Variants in LDLRAD4 observed in about 807,000 individuals in gnomAD.
The protein encoded by LDLRAD4 is low density lipoprotein receptor class A domain containing 4, also known as low-density lipoprotein receptor class A domain-containing protein 4.
In LDLRAD4, 5 loss-of-function variants were observed where a neutral mutation model predicts 17.0. That is an observed-to-expected ratio of 0.29 (90% CI 0.15 to 0.62). The LOEUF is 0.62. Ranked by LOEUF, LDLRAD4 falls within the 20% of genes least tolerant of loss-of-function variation. The pLI is 0.84. For synonymous variants in LDLRAD4, 168 were observed against 171.8 expected (o/e 0.98, Z 0.17); for missense variants, 340 against 424.7 (o/e 0.80, Z 1.75).
intron 3 of LDLRAD4, among the ~76,000 whole-genome samples, chr18:13,594,497 C>T (rs369342928): frequency 1.3e-5 from 2 of 151,636 alleles, no homozygotes; most frequent in African/African-American, 4.8e-5. Context: ...TGAAAGCCAT[C>T]CCTACTAAAA....
At chr18:13,484,494 C>G (rs948089187) in intron 3 of LDLRAD4, among the ~76,000 whole-genome samples, 2 of 151,958 alleles carry the variant, frequency 1.3e-5, no homozygotes, top group African/African-American at 4.8e-5. Context: ...GCCAGCTACT[C>G]CGAGCTACTT....
Position 13,343,795 on chromosome 18 carries a change from T to A in LDLRAD4, c.-382-43546T>A, listed in dbSNP as rs1349616094. On this transcript the variant is annotated intron_variant, in intron 1 of 5. Coordinates refer to ENST00000359446, the Ensembl canonical transcript of LDLRAD4. ...TCATTCTAACTGGTGTGAGATGGTA[T>A]CTCATTGTGGTTTTGATTTGCATTT... Among the ~76,000 whole-genome samples the A allele has an allele frequency of 2.0e-5, 3 of 152,222 alleles. No homozygotes were observed. In the East Asian group the frequency reaches 5.8e-4, roughly 29 times the overall value.
intron 2 of LDLRAD4, among the ~76,000 whole-genome samples, chr18:13,422,557 G>A (rs1274521538): frequency 1.3e-5 from 2 of 151,056 alleles, no homozygotes; most frequent in East Asian, 1.9e-4. Flanking sequence ...AAAAGGCCAA[G>A]TGTGATGGCC....
chr18:13,223,441 G>A (rs2041576371), intron 1 of LDLRAD4, among the ~76,000 whole-genome samples: 1 of 152,154 alleles, frequency 6.6e-6, no homozygotes, highest in Non-Finnish European at 1.5e-5. Context: ...CACACTGTGT[G>A]GCTTCCTGGT....
At chr18:13,453,958 G>A (rs1275790751) in intron 3 of LDLRAD4, among the ~76,000 whole-genome samples, 2 of 152,272 alleles carry the variant, frequency 1.3e-5, no homozygotes, top group Non-Finnish European at 2.9e-5. Flanking sequence ...AATGGGCGCC[G>A]TGTTCACACT....
chr18:13,622,389 G>C lies in LDLRAD4; in HGVS notation c.336+1118G>C, dbSNP rs1179368034. 1.3e-5 allele frequency among the ~76,000 whole-genome samples: 2 copies of C among 152,212 alleles called. No homozygotes were observed. Among genetic ancestry groups the C allele is most frequent in the Admixed American group, 1.3e-4 (2 of 15,284 alleles). On this transcript the variant is annotated intron_variant, in intron 4 of 5. Coordinates refer to ENST00000359446, the Ensembl canonical transcript of LDLRAD4. The surrounding 1 kb of genome is among the most constrained non-coding windows in gnomAD (Gnocchi z 5.3). ...TACCGAGTGCTATCTTCAGACCATG[G>C]TGAGGGCTAGACGGGGCAGCCTCGG... is the stretch of plus-strand genomic sequence containing the variant.
upstream of LDLRAD4, among the ~76,000 whole-genome samples, chr18:13,273,734 G>A (rs780603229): frequency 5.9e-5 from 9 of 152,184 alleles, no homozygotes; most frequent in Admixed American, 5.2e-4. Context: ...TTACCTTAGA[G>A]AGTGAGAACA....
At chr18:13,628,430 TACTGCATTTCACGGAA>T (rs2041366071) in intron 4 of LDLRAD4, among the ~76,000 whole-genome samples, 2 of 152,346 alleles carry the variant, frequency 1.3e-5, no homozygotes, top group South Asian at 4.1e-4. Flanking sequence ...AGCTCTCCGT[TACTGCATTTCACGGAA>T]ACTGCATTTC....
intron 1 of LDLRAD4, among the ~76,000 whole-genome samples, chr18:13,259,588 C>T (rs1015347178): frequency 1.3e-5 from 2 of 152,194 alleles, no homozygotes; most frequent in Non-Finnish European, 2.9e-5. Context: ...TTCAAATGCT[C>T]ATATATATGT....
rs376359942 is a variant in LDLRAD4 at position 13,318,225 on chromosome 18, A to G, written c.-383+40037A>G. Among the ~76,000 whole-genome samples, 823 of 151,942 alleles carry G rather than the reference A, an allele frequency of 5.4e-3. 6 individuals carry two copies. Among genetic ancestry groups the G allele is most frequent in the African/African-American group, 0.018 (763 of 41,444 alleles). Reference sequence around the variant, plus strand: ...CCTCCTTCCCCTGCTGCCTGTGGCCATCGCTGATTTCTGGGGATGGAGCTT... The same window carrying G: ...CCTCCTTCCCCTGCTGCCTGTGGCCGTCGCTGATTTCTGGGGATGGAGCTT... On this transcript the variant is annotated intron_variant, in intron 1 of 5. Coordinates refer to ENST00000359446, the Ensembl canonical transcript of LDLRAD4.
chr18:13,459,050 A>AC (rs2092293813), intron 3 of LDLRAD4, among the ~76,000 whole-genome samples: 1 of 151,144 alleles, frequency 6.6e-6, no homozygotes, highest in Non-Finnish European at 1.5e-5. Flanking sequence ...GTGGTGGCTC[A>AC]CGCCTGTAAT....
chr18:13,222,005 C>G (rs922221994), intron 1 of LDLRAD4, among the ~76,000 whole-genome samples: 2 of 152,218 alleles, frequency 1.3e-5, no homozygotes, highest in African/African-American at 4.8e-5. Context: ...CCAGAACCCA[C>G]TAACACTCCG....
intron 3 of LDLRAD4, among the ~76,000 whole-genome samples, chr18:13,525,497 A>G (rs2094016454): frequency 6.6e-6 from 1 of 152,246 alleles, no homozygotes; most frequent in African/African-American, 2.4e-5. Context: ...GCATTCCCAT[A>G]AACGTCATTC....
chr18:13,436,843 T>G (rs1274384655), intron 2 of LDLRAD4, among the ~76,000 whole-genome samples: 1 of 152,262 alleles, frequency 6.6e-6, no homozygotes, highest in Non-Finnish European at 1.5e-5. Flanking sequence ...TTGGGCTGTG[T>G]TCACATGTTA....
intron 3 of LDLRAD4, among the ~76,000 whole-genome samples, chr18:13,504,632 T>TG (rs1350494539): frequency 1.3e-5 from 2 of 152,300 alleles, no homozygotes; most frequent in Admixed American, 6.5e-5. Flanking sequence ...TTCACTATGT[T>TG]GGCCAGGCTG....
intron 1 of LDLRAD4, among the ~76,000 whole-genome samples, chr18:13,231,177 T>C (rs1302656688): frequency 6.6e-6 from 1 of 152,072 alleles, no homozygotes; most frequent in African/African-American, 2.4e-5. Context: ...CGTATAGATG[T>C]CTATGGGTGA....
Position 13,365,251 on chromosome 18 carries a change from G to A in LDLRAD4, c.-382-22090G>A, listed in dbSNP as rs146857127. Among the ~76,000 whole-genome samples, 920 of 152,324 alleles carry A rather than the reference G, an allele frequency of 6.0e-3. 4 individuals carry two copies. The highest frequency in any genetic ancestry group is 0.01 in the Non-Finnish European group (710 of 68,034). ...TAATCTTTTGCTTTTTACCTTGAGAGCTGGTTCCATGAGAGTCTCTAAAAT... is the reference window on the plus strand; with the variant it reads ...TAATCTTTTGCTTTTTACCTTGAGAACTGGTTCCATGAGAGTCTCTAAAAT... On this transcript the variant is annotated intron_variant, in intron 1 of 5. Coordinates refer to ENST00000359446, the Ensembl canonical transcript of LDLRAD4.
intron 1 of LDLRAD4, among the ~76,000 whole-genome samples, chr18:13,222,423 G>T (rs575859858): frequency 6.6e-6 from 1 of 151,898 alleles, no homozygotes. Flanking sequence ...AAGCATTTAC[G>T]AAACTTTAAG....
chr18:13,251,455 A>C (rs1445821811), intron 1 of LDLRAD4, among the ~76,000 whole-genome samples: 3 of 152,226 alleles, frequency 2.0e-5, no homozygotes, highest in African/African-American at 7.2e-5. Context: ...AAATGACATG[A>C]TCTTATATAG....
Sources: allele counts gnomAD v4.1 joint callset (sites outside exome capture counted in the v4.1 genomes callset), GRCh38; gene constraint gnomAD v4.1.1; non-coding constraint Gnocchi (gnomAD v3.1); transcripts MANE v1.5; gene names NCBI Gene and HGNC (gene_info 2026-07-23, HGNC 2026-07-21).